The following ANO3 variants were observed in gnomAD, a reference collection of about 807,000 sequenced individuals.
ANO3 encodes anoctamin 3.
Under a neutral mutation model 144.8 loss-of-function variants are expected in ANO3, and 99 were observed. The observed-to-expected ratio is 0.68, with a 90% CI of 0.58 to 0.81. The LOEUF is 0.81. ANO3 is among the 30% of genes least tolerant of loss of function. The probability of loss-of-function intolerance (pLI) is 0.00; values close to 1 mark genes in which losing one functional copy is unlikely to be tolerated. For synonymous variants in ANO3, 414 were observed against 392.6 expected (o/e 1.05, Z -0.64); for missense variants, 905 against 1,202.2 (o/e 0.75, Z 3.66).
chr11:26,534,480 C>T lies in ANO3; in HGVS notation c.894C>T (p.Thr298=), dbSNP rs1205557665. ...GCTTCATAATAAATAATAAAGACAC[C>T]TTCTTCAGCAATGCTACTCGAAGCA... ...IHHFIINNKD[T]FFSNATRSRI... The change falls in exon 9 of 27, where the codon ACC becomes ACT. Residue 298 remains threonine, a synonymous_variant. Transcript: ENST00000256737. The T allele has an allele frequency of 3.1e-6, 5 of 1,612,208 alleles. No individual in the cohort carries two copies. Among genetic ancestry groups the T allele is most frequent in the East Asian group, 2.2e-5 (1 of 44,744 alleles).
At chr11:26,553,432 A>G in intron 13 of ANO3, 87 bp downstream of exon 13, 1 of 842,418 alleles carries the variant, frequency 1.2e-6, no homozygotes, top group Non-Finnish European at 1.9e-6. Flanking sequence ...TTTTTACCAA[A>G]GTTAAGTGTT....
intron 8 of ANO3, among the ~76,000 whole-genome samples, chr11:26,531,955 C>T (rs937575761): frequency 4.6e-5 from 7 of 152,146 alleles, no homozygotes; most frequent in African/African-American, 1.4e-4. Context: ...CTTCAAGGTA[C>T]ACCCAGTCTA....
intron 1 of ANO3, among the ~76,000 whole-genome samples, chr11:26,433,787 T>C (rs1199193400): frequency 1.3e-5 from 2 of 152,206 alleles, no homozygotes; most frequent in South Asian, 2.1e-4. Context: ...GATGTGCTGC[T>C]GCATTCAGTT....
chr11:26,465,320 T>TAGATAGA (rs33982722), intron 4 of ANO3, among the ~76,000 whole-genome samples: 1 of 104,756 alleles, frequency 9.5e-6, no homozygotes, highest in African/African-American at 3.1e-5. Context: ...AGATAGATAG[T>TAGATAGA]TAAATTATAT....
chr11:26,301,250 A>T (rs1232714963), intron 1 of ANO3, among the ~76,000 whole-genome samples: 1 of 152,136 alleles, frequency 6.6e-6, no homozygotes, highest in African/African-American at 2.4e-5. Context: ...TCTAATTTCA[A>T]TTTGGAATTT....
At chr11:26,208,724 T>C (rs867611418) in intron 1 of ANO3, among the ~76,000 whole-genome samples, 2 of 152,154 alleles carry the variant, frequency 1.3e-5, no homozygotes, top group Admixed American at 1.3e-4. Context: ...CTGAAAATAT[T>C]TTTAGCCCTC....
chr11:26,495,363 C>T (rs1285609102), intron 4 of ANO3, among the ~76,000 whole-genome samples: 1 of 151,700 alleles, frequency 6.6e-6, no homozygotes, highest in Admixed American at 6.6e-5. Context: ...CCTGCCTCAG[C>T]CCCTCAAATT....
chr11:26,299,332 T>C (rs898425568), intron 1 of ANO3, among the ~76,000 whole-genome samples: 4 of 152,090 alleles, frequency 2.6e-5, no homozygotes, highest in Admixed American at 1.3e-4. Context: ...AGAATTCACT[T>C]TGGTGAAGAA....
At chr11:26,260,370 T>C (rs1853159028) in intron 1 of ANO3, among the ~76,000 whole-genome samples, 1 of 152,218 alleles carries the variant, frequency 6.6e-6, no homozygotes, top group South Asian at 2.1e-4. Context: ...GTACAATTAC[T>C]ACTTTTTACA....
chr11:26,506,536 A>C (rs1861443069), intron 4 of ANO3, among the ~76,000 whole-genome samples: 1 of 152,218 alleles, frequency 6.6e-6, no homozygotes, highest in Non-Finnish European at 1.5e-5. Flanking sequence ...TGGTGGCTTC[A>C]CTGGTGTTAG....
At chr11:26,618,655 CTCT>C (rs1388254650) in intron 17 of ANO3, among the ~76,000 whole-genome samples, 2 of 152,134 alleles carry the variant, frequency 1.3e-5, no homozygotes. Context: ...CTTTTCCATT[CTCT>C]TCTTGGCTAA....
At chr11:26,594,022 GA>G (rs934391338) in intron 14 of ANO3, among the ~76,000 whole-genome samples, 1 of 152,122 alleles carries the variant, frequency 6.6e-6, no homozygotes, top group Non-Finnish European at 1.5e-5. Context: ...TATCCTTTAA[GA>G]TTACCTGGCC....
intron 1 of ANO3, among the ~76,000 whole-genome samples, chr11:26,402,535 G>A (rs1857174474): frequency 6.6e-6 from 1 of 151,610 alleles, no homozygotes; most frequent in South Asian, 2.1e-4. Flanking sequence ...TTAGACTTTT[G>A]TTGGAAGCAT....
At chr11:26,309,070 C>T (rs1854448881), upstream of ANO3, among the ~76,000 whole-genome samples, 1 of 151,998 alleles carries the variant, frequency 6.6e-6, no homozygotes, top group African/African-American at 2.4e-5. Flanking sequence ...CATAGAAAAG[C>T]TTTTTTAATA....
At chr11:26,364,791 T>G (rs1564984084) in intron 1 of ANO3, among the ~76,000 whole-genome samples, 1 of 152,182 alleles carries the variant, frequency 6.6e-6, no homozygotes, top group Non-Finnish European at 1.5e-5. Context: ...GTACTTGGGA[T>G]TGCAATTCAA....
chr11:26,526,664 G>A lies in ANO3; in HGVS notation c.737+985G>A, dbSNP rs532601893. 1.1e-4 allele frequency among the ~76,000 whole-genome samples: 17 copies of A among 152,164 alleles called. No individual in the cohort carries two copies. In the South Asian group the frequency reaches 3.3e-3, roughly 30 times the overall value. ...GTTTTAAGCATTAATTTTAGGCGTG[G>A]CAGTATTGAGTGACAAGAAAAGTAA... On this transcript the variant is annotated intron_variant, in intron 7 of 26. Transcript: ENST00000256737.
At chr11:26,619,460 C>CTTTTT (rs1305207240) in intron 17 of ANO3, among the ~76,000 whole-genome samples, 3 of 151,846 alleles carry the variant, frequency 2.0e-5, no homozygotes, top group Non-Finnish European at 4.4e-5. Context: ...ACTAAAGATT[C>CTTTTT]TTTTTTTATT....
At chr11:26,433,155 A>T (rs1216239960) in intron 1 of ANO3, among the ~76,000 whole-genome samples, 1 of 151,988 alleles carries the variant, frequency 6.6e-6, no homozygotes, top group African/African-American at 2.4e-5. Context: ...TTGTGTGGCA[A>T]TTGTGAAAGG....
intron 4 of ANO3, among the ~76,000 whole-genome samples, chr11:26,495,518 G>T (rs1025593431): frequency 6.6e-6 from 1 of 152,126 alleles, no homozygotes; most frequent in African/African-American, 2.4e-5. Context: ...GCTTTCCAAA[G>T]ATTCTAACAT....
Sources: gnomAD v4.1 joint callset for allele counts (sites outside exome capture counted in the v4.1 genomes callset) on GRCh38, gnomAD v4.1.1 for gene constraint, MANE v1.5 for transcripts, NCBI Gene and HGNC (gene_info 2026-07-23, HGNC 2026-07-21) for gene names.